ACTR3B: variants seen among roughly 807,000 people sequenced by gnomAD.
ACTR3B encodes the protein actin related protein 3B, also known as actin-related protein 3B.
A neutral mutation model predicts 59.0 loss-of-function variants in ACTR3B; 8 were observed. The observed-to-expected ratio is 0.14, with a 90% CI of 0.08 to 0.24. The LOEUF is 0.24. Among genes scored for constraint, ACTR3B ranks in the 10% least tolerant of loss-of-function variants. The probability of loss-of-function intolerance (pLI) is 1.00; values close to 1 mark genes in which losing one functional copy is unlikely to be tolerated. For missense variants in ACTR3B, 245 were observed against 552.3 expected, an observed-to-expected ratio of 0.44 and a Z score of 5.58; for synonymous variants, 148 against 197.9, an observed-to-expected ratio of 0.75 and a Z score of 2.12.
At chr7:152,842,030 GC>G (rs1195911075) in intron 9 of ACTR3B, among the ~76,000 whole-genome samples, 1 of 152,172 alleles carries the variant, frequency 6.6e-6, no homozygotes, top group Non-Finnish European at 1.5e-5. Flanking sequence ...AAGTTCCTCA[GC>G]CCCTGCTCCA....
At chr7:152,826,574 C>T (rs1381234827) in intron 9 of ACTR3B, among the ~76,000 whole-genome samples, 2 of 152,182 alleles carry the variant, frequency 1.3e-5, no homozygotes, top group African/African-American at 2.4e-5. Context: ...AGAAAGCTAG[C>T]GGGTCATGTC....
chr7:152,771,558 T>C (rs1325971750), intron 1 of ACTR3B, among the ~76,000 whole-genome samples: 1 of 152,134 alleles, frequency 6.6e-6, no homozygotes, highest in Non-Finnish European at 1.5e-5. Context: ...AGAGAGAAGA[T>C]TGAAGCTGTG....
At chr7:152,828,811 A>T (rs11490834) in intron 9 of ACTR3B, among the ~76,000 whole-genome samples, 9 of 151,280 alleles carry the variant, frequency 5.9e-5, no homozygotes, top group Admixed American at 5.3e-4. Flanking sequence ...CCACAGCCTC[A>T]TTTGGTCAGC....
intron 9 of ACTR3B, among the ~76,000 whole-genome samples, chr7:152,825,461 G>A (rs1358843025): frequency 3.9e-5 from 6 of 151,974 alleles, no homozygotes; most frequent in Non-Finnish European, 5.9e-5. Flanking sequence ...ACAGGTGCAC[G>A]CCACCACACC....
chr7:152,800,993 T>G (rs1315789781), intron 3 of ACTR3B, among the ~76,000 whole-genome samples: 1 of 152,230 alleles, frequency 6.6e-6, no homozygotes, highest in Non-Finnish European at 1.5e-5. Context: ...AACACTAACG[T>G]TATTTAAGCA....
At chr7:152,784,045 G>A (rs186891456) in intron 2 of ACTR3B, among the ~76,000 whole-genome samples, 1,809 of 151,638 alleles carry the variant, frequency 0.012, 28 homozygotes, top group East Asian at 0.032. Flanking sequence ...AGCCGGGATC[G>A]TGCCACTGCA....
chr7:152,839,015 C>T (rs10259642), intron 9 of ACTR3B, among the ~76,000 whole-genome samples: 2,772 of 151,762 alleles, frequency 0.018, 29 homozygotes, highest in Middle Eastern at 0.045. Flanking sequence ...AGGGAAGTAG[C>T]ATTGTTTGAC....
At position 152,812,019 on chromosome 7, in the gene ACTR3B, C is replaced by CTTTTTTTTTTTTTTTT. The variant is rs1164677748; in HGVS notation, c.337-2517_337-2502dup. 36 of 23,374 alleles carry CTTTTTTTTTTTTTTTT rather than the reference C, an allele frequency of 1.5e-3. 10 individuals are homozygous for CTTTTTTTTTTTTTTTT. Among genetic ancestry groups the CTTTTTTTTTTTTTTTT allele is most frequent in the African/African-American group, 2.3e-3 (20 of 8,842 alleles). The allele number at this position is 23,374 out of a possible 1,614,324, so 1.4% of individuals were successfully genotyped here. On this transcript the variant is annotated intron_variant, in intron 4 of 11. Coordinates refer to ENST00000256001, the MANE Select transcript of ACTR3B (RefSeq NM_020445.6). ...TTCTTAATTCCCAGAAAATAAAAGT[C>CTTTTTTTTTTTTTTTT]TTTTTTTTTTTTTTTTTTTTTTTTT...
At chr7:152,763,416 G>C (rs1309408042) in intron 1 of ACTR3B, among the ~76,000 whole-genome samples, 1 of 149,202 alleles carries the variant, frequency 6.7e-6, no homozygotes, top group Non-Finnish European at 1.5e-5. Flanking sequence ...AGTATCCATT[G>C]GTGACTCTTG....
At chr7:152,790,971 A>G (rs2098193662) in intron 2 of ACTR3B, among the ~76,000 whole-genome samples, 1 of 151,426 alleles carries the variant, frequency 6.6e-6, no homozygotes, top group Admixed American at 6.6e-5. Context: ...ATACCCAAAC[A>G]CAATTTTTTT....
chr7:152,804,577 G>A (rs1007121021), intron 4 of ACTR3B, among the ~76,000 whole-genome samples: 1 of 152,180 alleles, frequency 6.6e-6, no homozygotes, highest in Non-Finnish European at 1.5e-5. Context: ...GGAGGGCGTA[G>A]GGTGAGAATG....
rs946138676 is a variant in ACTR3B at position 152,854,624 on chromosome 7, C to T, written c.*71C>T. The T allele has an allele frequency of 2.3e-5, 35 of 1,509,590 alleles. No homozygotes were observed. The Middle Eastern group carries it at 6.6e-4, about 29-fold the overall frequency. The allele number at this position is 1,509,590 out of a possible 1,614,324, so 93.5% of individuals were successfully genotyped here. On this transcript the variant is annotated 3_prime_UTR_variant, in exon 12 of 12. Coordinates refer to ENST00000256001, the MANE Select transcript of ACTR3B (RefSeq NM_020445.6). This position sits in a 1 kb window ranked among gnomAD's most constrained non-coding sequence, Gnocchi z 4.9. Reference sequence around the variant, plus strand: ...GTGTCCTTCAGAACCCAGAGAAGGCCGCCGTTCTGTAAATAGCGACGTCGG... The same window carrying T: ...GTGTCCTTCAGAACCCAGAGAAGGCTGCCGTTCTGTAAATAGCGACGTCGG...
chr7:152,849,717 A>G (rs558766374), intron 9 of ACTR3B, among the ~76,000 whole-genome samples: 56 of 152,402 alleles, frequency 3.7e-4, no homozygotes, highest in Admixed American at 9.1e-4. Flanking sequence ...TGGCTTCTTT[A>G]GCCCCTGACA....
chr7:152,849,539 G>A (rs1798629243), intron 9 of ACTR3B, among the ~76,000 whole-genome samples: 1 of 152,230 alleles, frequency 6.6e-6, no homozygotes. Flanking sequence ...TTTAGCCCAG[G>A]GGTGTCCAAC....
intron 9 of ACTR3B, among the ~76,000 whole-genome samples, chr7:152,846,070 T>C (rs1404832810): frequency 2.0e-5 from 3 of 152,238 alleles, no homozygotes; most frequent in African/African-American, 4.8e-5. Flanking sequence ...AATCTCTAGG[T>C]TGGGGAGGTT....
intron 1 of ACTR3B, among the ~76,000 whole-genome samples, chr7:152,765,022 G>C (rs1283025432): frequency 6.6e-6 from 1 of 152,008 alleles, no homozygotes; most frequent in African/African-American, 2.4e-5. Context: ...AAGTTCTACA[G>C]TGTGGCCGAG....
chr7:152,769,912 TTAG>T (rs1274716981), intron 1 of ACTR3B, among the ~76,000 whole-genome samples: 1 of 151,960 alleles, frequency 6.6e-6, no homozygotes, highest in East Asian at 1.9e-4. Context: ...AAAAAAATTA[TTAG>T]TAGTCAACAA....
intron 9 of ACTR3B, among the ~76,000 whole-genome samples, chr7:152,839,260 G>T (rs114625996): frequency 7.0e-6 from 1 of 142,546 alleles, no homozygotes; most frequent in Non-Finnish European, 1.5e-5. Context: ...CATGGGCTGC[G>T]GGGCGGGGGG....
intron 2 of ACTR3B, among the ~76,000 whole-genome samples, chr7:152,784,559 T>C (rs1273627212): frequency 1.3e-5 from 2 of 152,340 alleles, no homozygotes; most frequent in East Asian, 1.9e-4. Flanking sequence ...TGCTGTGTCC[T>C]CATTTTGAAT....
Sources: gnomAD v4.1 joint callset for allele counts (sites outside exome capture counted in the v4.1 genomes callset) on GRCh38, gnomAD v4.1.1 for gene constraint, Gnocchi (gnomAD v3.1) non-coding constraint, MANE v1.5 for transcripts, NCBI Gene and HGNC (gene_info 2026-07-23, HGNC 2026-07-21) for gene names.